Variants in PEBP4 observed in about 807,000 individuals in gnomAD.
PEBP4 encodes the protein phosphatidylethanolamine binding protein 4, also known as phosphatidylethanolamine-binding protein 4.
A neutral mutation model predicts 23.9 loss-of-function variants in PEBP4; 22 were observed. That is an observed-to-expected ratio of 0.92 (90% CI 0.66 to 1.31). PEBP4 has a LOEUF of 1.31. Ranked by LOEUF, PEBP4 falls within the 40% of genes most tolerant of loss-of-function variation. The pLI is 0.00. For missense variants in PEBP4, 324 were observed against 281.7 expected (o/e 1.15, Z -1.07); for synonymous variants, 112 against 99.3 (o/e 1.13, Z -0.76).
At chr8:22,742,940 A>G (rs1402571199) in intron 4 of PEBP4, among the ~76,000 whole-genome samples, 1 of 152,206 alleles carries the variant, frequency 6.6e-6, no homozygotes, top group Admixed American at 6.5e-5. Context: ...GATGAACGCT[A>G]GGAAGAGGAA....
At chr8:22,914,227 C>T (rs776459263) in intron 3 of PEBP4, among the ~76,000 whole-genome samples, 5 of 152,064 alleles carry the variant, frequency 3.3e-5, no homozygotes, top group Non-Finnish European at 7.4e-5. Context: ...AGTGATCTGC[C>T]CACCTCAGCC....
intron 1 of PEBP4, among the ~76,000 whole-genome samples, chr8:22,937,280 G>T (rs1362751859): frequency 6.6e-6 from 1 of 152,074 alleles, no homozygotes; most frequent in Non-Finnish European, 1.5e-5. Context: ...AAAATCAAAT[G>T]CATTTCTTTG....
At chr8:22,782,633 G>A (rs1041376603) in intron 4 of PEBP4, among the ~76,000 whole-genome samples, 5 of 152,172 alleles carry the variant, frequency 3.3e-5, no homozygotes, top group Admixed American at 6.5e-5. Flanking sequence ...AATAGTCTTC[G>A]AGGGGTCTGC....
At chr8:22,849,300 T>C (rs1807503127) in intron 3 of PEBP4, among the ~76,000 whole-genome samples, 1 of 152,192 alleles carries the variant, frequency 6.6e-6, no homozygotes, top group African/African-American at 2.4e-5. Context: ...AGTTAATAGA[T>C]ATTAGGTGCC....
At chr8:22,901,444 C>T (rs893209573) in intron 3 of PEBP4, among the ~76,000 whole-genome samples, 1 of 152,162 alleles carries the variant, frequency 6.6e-6, no homozygotes, top group African/African-American at 2.4e-5. Context: ...AGGATCGGTC[C>T]TGCAGGGAGT....
At chr8:22,931,909 A>C (rs7005993), upstream of PEBP4, among the ~76,000 whole-genome samples, 3 of 152,150 alleles carry the variant, frequency 2.0e-5, no homozygotes, top group East Asian at 5.8e-4. Context: ...CCTGGGTCTT[A>C]CAAACCTTTG....
rs1009325604 is a variant in PEBP4, at chr8:22,713,307, T to C, written c.*63A>G. ...AAGGGGTTCTGTATCCAGAGGGGGT[T>C]CCATACCCACATCGTCGGTGGTGGG... On this transcript the variant is annotated 3_prime_UTR_variant, in exon 7 of 7. Coordinates refer to ENST00000256404, the MANE Select transcript of PEBP4 (RefSeq NM_144962.3). The C allele has an allele frequency of 7.3e-6, 11 of 1,513,542 alleles. No homozygotes were observed. The Admixed American group carries it at 1.8e-4, about 25-fold the overall frequency. The allele number at this position is 1,513,542 out of a possible 1,614,324, so 93.8% of individuals were successfully genotyped here. A position where few individuals can be genotyped will look rare whatever the true frequency, so the allele number is the denominator to read the frequency against.
At chr8:22,883,144 G>A (rs1481031539) in intron 3 of PEBP4, among the ~76,000 whole-genome samples, 1 of 152,152 alleles carries the variant, frequency 6.6e-6, no homozygotes. Context: ...CAAAACAACA[G>A]GGGCATCTAT....
At chr8:22,740,554 T>G (rs1804967360) in intron 4 of PEBP4, among the ~76,000 whole-genome samples, 1 of 152,188 alleles carries the variant, frequency 6.6e-6, no homozygotes, top group Non-Finnish European at 1.5e-5. Context: ...TCTCCGAACC[T>G]TCCTGCCCAA....
chr8:22,729,184 G>A (rs1804682142), intron 4 of PEBP4, among the ~76,000 whole-genome samples: 2 of 152,244 alleles, frequency 1.3e-5, no homozygotes, highest in African/African-American at 4.8e-5. Context: ...TCTTCCAGGA[G>A]AGGAGGGAAG....
At chr8:22,849,827 A>G (rs1410448668) in intron 3 of PEBP4, among the ~76,000 whole-genome samples, 3 of 152,172 alleles carry the variant, frequency 2.0e-5, no homozygotes, top group Admixed American at 1.3e-4. Flanking sequence ...CAAGACATTC[A>G]CATGTCCATG....
rs118145730 is a variant in PEBP4, at chr8:22,889,861, C to T, written c.258+30323G>A. Among the ~76,000 whole-genome samples, 5 of 152,248 alleles carry T rather than the reference C, an allele frequency of 3.3e-5. No individual in the cohort carries two copies. In the East Asian group the frequency reaches 7.7e-4, roughly 23 times the overall value. ...TACATCACTGCAGGGACGCCCTGCT[C>T]GGTGGCGATCTATCATTTTCTATTG... On this transcript the variant is annotated intron_variant, in intron 3 of 6. Transcript: ENST00000256404.
chr8:22,753,888 T>A (rs530432000), intron 4 of PEBP4, among the ~76,000 whole-genome samples: 1 of 152,140 alleles, frequency 6.6e-6, no homozygotes, highest in Admixed American at 6.5e-5. Context: ...ACAGAGCACA[T>A]CTGTCTGGGT....
intron 3 of PEBP4, among the ~76,000 whole-genome samples, chr8:22,916,366 C>T (rs1428889247): frequency 6.6e-6 from 1 of 152,198 alleles, no homozygotes; most frequent in Non-Finnish European, 1.5e-5. Flanking sequence ...AACGCTTCCT[C>T]TTACTTCCAC....
At chr8:22,887,089 AGTGTGTGTGTGTGTGTGT>A (rs60863527) in intron 3 of PEBP4, 1 of 147,352 alleles carries the variant, frequency 6.8e-6, no homozygotes, top group Non-Finnish European at 1.5e-5. Flanking sequence ...GGACACTCCT[AGTGTGTGTGTGTGTGTGT>A]GTGTGTGTGT....
rs768621422 is a variant in PEBP4, at chr8:22,787,942, G to A, written c.357+29695C>T. Among the ~76,000 whole-genome samples the A allele has an allele frequency of 9.2e-5, 14 of 152,144 alleles. No individual in the cohort carries two copies. In the East Asian group the frequency reaches 1.2e-3, roughly 13 times the overall value. ...TGGGGAAGGGAAGGGTTTACGTTTC[G>A]TTGATAACGCGTTGTGGATGGGCCT... is the stretch of plus-strand genomic sequence containing the variant. On this transcript the variant is annotated intron_variant, in intron 4 of 6. Coordinates refer to ENST00000256404, the MANE Select transcript of PEBP4 (RefSeq NM_144962.3).
At chr8:22,759,617 G>C (rs1165973822) in intron 4 of PEBP4, among the ~76,000 whole-genome samples, 2 of 152,180 alleles carry the variant, frequency 1.3e-5, no homozygotes, top group East Asian at 3.9e-4. Context: ...CTCCCCGGGA[G>C]CCTGGCTCTG....
In PEBP4 at chr8:22,725,376, A is replaced by G. The variant is rs138980848; in HGVS notation, c.404-420T>C. ...TTTATTTTTTCGGCATTTGCTTATG[A>G]ACTCAATCCCCAAAGAAGCCAATTT... On this transcript the variant is annotated intron_variant, in intron 5 of 6. Coordinates refer to ENST00000256404, the MANE Select transcript of PEBP4 (RefSeq NM_144962.3). Among the ~76,000 whole-genome samples, 8 of 152,132 alleles carry G rather than the reference A, an allele frequency of 5.3e-5. No individual in the cohort carries two copies. The East Asian group carries it at 1.5e-3, about 29-fold the overall frequency.
At chr8:22,901,980 C>T (rs1425595063) in intron 3 of PEBP4, among the ~76,000 whole-genome samples, 9 of 152,146 alleles carry the variant, frequency 5.9e-5, no homozygotes, top group Admixed American at 5.2e-4. Context: ...ACAGCTCATC[C>T]CCAAGTGCGG....
Sources: allele counts gnomAD v4.1 joint callset (sites outside exome capture counted in the v4.1 genomes callset), GRCh38; gene constraint gnomAD v4.1.1; transcripts MANE v1.5; gene names NCBI Gene and HGNC (gene_info 2026-07-23, HGNC 2026-07-21).